HDGFL3: variants seen among roughly 807,000 people sequenced by gnomAD.
HDGFL3 encodes hepatoma-derived growth factor-related protein 3.
Under a neutral mutation model 27.6 loss-of-function variants are expected in HDGFL3, and 6 were observed. That is an observed-to-expected ratio of 0.22 (90% CI 0.12 to 0.43). The LOEUF (loss-of-function observed/expected upper bound fraction) is 0.43, where lower values mean the gene tolerates loss of function less well. Among genes scored for constraint, HDGFL3 ranks in the 20% least tolerant of loss-of-function variants. The pLI, the probability that HDGFL3 is intolerant of heterozygous loss-of-function variation, is 1.00. For missense variants in HDGFL3, 207 were observed against 250.1 expected (o/e 0.83, Z 1.16); for synonymous variants, 88 against 88.9 (o/e 0.99, Z 0.05).
chr15:83,127,572 G>A, downstream of HDGFL3: 1 of 1,381,160 alleles, frequency 7.2e-7, no homozygotes, highest in East Asian at 2.4e-5. Flanking sequence ...TTTAGACTAG[G>A]AGATAGCTAT....
chr15:83,116,049 G>C, intron 3 of HDGFL3: 1 of 851,168 alleles, frequency 1.2e-6, no homozygotes, highest in South Asian at 1.6e-5. Context: ...GGTACGCTAC[G>C]CAGGCTTTCA....
chr15:83,144,488 T>C (rs2036851528), intron 5 of HDGFL3: 1 of 455,960 alleles, frequency 2.2e-6, no homozygotes, highest in Non-Finnish European at 4.4e-6. Context: ...CAGCACTCTC[T>C]CTTACTGACA....
intron 1 of HDGFL3, among the ~76,000 whole-genome samples, chr15:83,202,796 C>G (rs2037664657): frequency 6.6e-6 from 1 of 152,104 alleles, no homozygotes; most frequent in African/African-American, 2.4e-5. Flanking sequence ...TCAATAACTC[C>G]TTTCTACCCA....
At chr15:83,179,927 G>C (rs932837956) in intron 1 of HDGFL3, 2 of 152,426 alleles carry the variant, frequency 1.3e-5, no homozygotes, top group African/African-American at 2.4e-5. Context: ...CTTTGTGTGT[G>C]TTGTGTGTGA....
downstream of HDGFL3, chr15:83,127,262 A>AT: frequency 1.5e-6 from 2 of 1,319,340 alleles, no homozygotes; most frequent in Non-Finnish European, 2.0e-6. Context: ...AGGAATTAAT[A>AT]TTTTCAAAGA....
At position 83,138,364 on chromosome 15, in the gene HDGFL3, A is replaced by C. The variant is rs904498054; in HGVS notation, c.*906T>G. On this transcript the variant is annotated 3_prime_UTR_variant, in exon 6 of 6. Coordinates refer to ENST00000299633, the MANE Select transcript of HDGFL3 (RefSeq NM_016073.4). ...ATATAAGCTGGCATAAAAATAAATAAAATTCTCTATTATCACAATAGCAAC... is the reference window on the plus strand; with the variant it reads ...ATATAAGCTGGCATAAAAATAAATACAATTCTCTATTATCACAATAGCAAC... 8 of 152,428 alleles carry C rather than the reference A, an allele frequency of 5.2e-5. No homozygotes were observed. The highest frequency in any genetic ancestry group is 2.9e-5 in the Non-Finnish European group (2 of 68,028). The allele number at this position is 152,428 out of a possible 1,614,324, so 9.4% of individuals were successfully genotyped here.
intron 1 of HDGFL3, among the ~76,000 whole-genome samples, chr15:83,196,164 A>T (rs1264026854): frequency 2.0e-5 from 3 of 151,798 alleles, no homozygotes; most frequent in Admixed American, 6.6e-5. Flanking sequence ...TAAGAATTTT[A>T]AAAAATATAT....
chr15:83,120,396 G>A (rs1281953276), intron 3 of HDGFL3, among the ~76,000 whole-genome samples: 1 of 152,108 alleles, frequency 6.6e-6, no homozygotes, highest in East Asian at 1.9e-4. Flanking sequence ...TGGGGCCCCT[G>A]TAACCCAGAA....
intron 4 of HDGFL3, among the ~76,000 whole-genome samples, chr15:83,152,908 C>G (rs900596390): frequency 6.6e-6 from 1 of 150,804 alleles, no homozygotes; most frequent in Non-Finnish European, 1.5e-5. Flanking sequence ...AAGTGAAACA[C>G]TTTCTCTTTA....
At chr15:83,151,894 T>C (rs897076087) in intron 4 of HDGFL3, among the ~76,000 whole-genome samples, 3 of 152,350 alleles carry the variant, frequency 2.0e-5, no homozygotes, top group East Asian at 3.9e-4. Flanking sequence ...AAACTAATCT[T>C]TTCAATTGTG....
Position 83,137,854 on chromosome 15 carries a change from T to C in HDGFL3, c.*1416A>G, listed in dbSNP as rs983610069. On this transcript the variant is annotated 3_prime_UTR_variant, in exon 6 of 6. Transcript: ENST00000299633. ...TCTCATCAAGAAAACCAAAAGAAAA[T>C]GGGATACAAATCAATGCATGGATAA... 6.6e-6 allele frequency: 1 copy of C among 152,000 alleles called. No individual in the cohort carries two copies. Among genetic ancestry groups the C allele is most frequent in the African/African-American group, 2.4e-5 (1 of 41,402 alleles). The allele number at this position is 152,000 out of a possible 1,614,324, so 9.4% of individuals were successfully genotyped here. A position where few individuals can be genotyped will look rare whatever the true frequency, so the allele number is the denominator to read the frequency against.
intron 1 of HDGFL3, among the ~76,000 whole-genome samples, chr15:83,174,345 C>T (rs539201728): frequency 1.3e-5 from 2 of 152,212 alleles, no homozygotes; most frequent in Non-Finnish European, 1.5e-5. Context: ...GCACCATTCC[C>T]ATTACTAAAT....
downstream of HDGFL3, chr15:83,127,703 T>G: frequency 2.3e-6 from 1 of 426,646 alleles, no homozygotes; most frequent in Non-Finnish European, 4.2e-6. Context: ...GAGGAAGTTA[T>G]CTGTGGTCCA....
chr15:83,172,776 G>A (rs889099711), intron 1 of HDGFL3, among the ~76,000 whole-genome samples: 4 of 150,226 alleles, frequency 2.7e-5, no homozygotes, highest in Non-Finnish European at 5.9e-5. Flanking sequence ...AGCTGAGATC[G>A]CGCCACTGCA....
At chr15:83,148,698 A>T (rs184317392) in intron 5 of HDGFL3, among the ~76,000 whole-genome samples, 1 of 152,320 alleles carries the variant, frequency 6.6e-6, no homozygotes, top group Non-Finnish European at 1.5e-5. Flanking sequence ...GACTGGATAA[A>T]TAAGTTGTGG....
intron 5 of HDGFL3, among the ~76,000 whole-genome samples, chr15:83,145,196 A>G (rs1001864388): frequency 2.0e-5 from 3 of 152,068 alleles, no homozygotes; most frequent in African/African-American, 7.2e-5. Context: ...TCTGGATACT[A>G]TAAGATGGGC....
At position 83,131,285 on chromosome 15, in the gene HDGFL3, A is replaced by G. The variant is rs369356066; in HGVS notation, c.*7985T>C. ...AAGAATCTATGCAACTTAGTAAGGG[A>G]AAAAAAAACCACCTTTGAAAAGTTC... On this transcript the variant is annotated 3_prime_UTR_variant, in exon 6 of 6. Coordinates refer to ENST00000299633, the MANE Select transcript of HDGFL3 (RefSeq NM_016073.4). 9 of 151,240 alleles carry G rather than the reference A, an allele frequency of 6.0e-5. No individual in the cohort carries two copies. The highest frequency in any genetic ancestry group is 1.9e-4 in the East Asian group (1 of 5,154). 9.4% of individuals were successfully genotyped at this position (151,240 alleles called of 1,614,324 possible).
intron 1 of HDGFL3, among the ~76,000 whole-genome samples, chr15:83,202,500 A>G (rs1006951814): frequency 6.6e-6 from 1 of 152,128 alleles, no homozygotes; most frequent in African/African-American, 2.4e-5. Context: ...AGTTTCTATA[A>G]TAAGTCAAAA....
intron 1 of HDGFL3, among the ~76,000 whole-genome samples, chr15:83,198,067 A>AAAAAAAAAAAAAAAAAAG (rs2037594479): frequency 6.6e-6 from 1 of 150,690 alleles, no homozygotes; most frequent in African/African-American, 2.4e-5. Flanking sequence ...AAAAAAAAAA[A>AAAAAAAAAAAAAAAAAAG]AAAAAAAGAA....
Sources: allele counts gnomAD v4.1 joint callset (sites outside exome capture counted in the v4.1 genomes callset), GRCh38; gene constraint gnomAD v4.1.1; transcripts MANE v1.5; gene names NCBI Gene and HGNC (gene_info 2026-07-23, HGNC 2026-07-21).